The following WASF1 variants were observed in gnomAD, a reference collection of about 807,000 sequenced individuals.
The protein encoded by WASF1 is actin-binding protein WASF1.
In WASF1, 7 loss-of-function variants were observed where a neutral mutation model predicts 50.5. The ratio of observed to expected loss-of-function variants is 0.14; its 90% CI spans 0.08 to 0.26. WASF1 has a LOEUF of 0.26. WASF1 is among the 10% of genes least tolerant of loss of function. The pLI, the probability that WASF1 is intolerant of heterozygous loss-of-function variation, is 1.00. For synonymous variants in WASF1, 205 were observed against 244.0 expected (o/e 0.84, Z 1.49); for missense variants, 470 against 694.7 (o/e 0.68, Z 3.64).
At chr6:110,111,675 T>C (rs1038288643) in intron 5 of WASF1, among the ~76,000 whole-genome samples, 7 of 152,142 alleles carry the variant, frequency 4.6e-5, no homozygotes, top group Non-Finnish European at 8.8e-5. Context: ...TACTGTACTA[T>C]TCATTCATAT....
chr6:110,147,705 G>C (rs552509239), intron 3 of WASF1, among the ~76,000 whole-genome samples: 5 of 152,038 alleles, frequency 3.3e-5, no homozygotes, highest in Non-Finnish European at 7.4e-5. Context: ...AAACTTACTT[G>C]ACAAATCATT....
At chr6:110,169,726 T>TA (rs971698068) in intron 2 of WASF1, among the ~76,000 whole-genome samples, 11 of 152,264 alleles carry the variant, frequency 7.2e-5, no homozygotes, top group African/African-American at 2.4e-4. Context: ...GTGACTATTG[T>TA]AAAAAAATTC....
intron 3 of WASF1, among the ~76,000 whole-genome samples, chr6:110,158,533 G>T (rs761856547): frequency 1.8e-4 from 23 of 130,838 alleles, no homozygotes; most frequent in Non-Finnish European, 3.3e-4. Flanking sequence ...ATTTTTTGAA[G>T]AGGATCCTAT....
At chr6:110,118,387 T>C (rs1305958731) in intron 4 of WASF1, among the ~76,000 whole-genome samples, 1 of 130,738 alleles carries the variant, frequency 7.6e-6, no homozygotes, top group Non-Finnish European at 1.6e-5. Context: ...AAGCAGGGTT[T>C]GCAATCCTAG....
At chr6:110,158,964 C>G (rs1349144599) in intron 3 of WASF1, among the ~76,000 whole-genome samples, 1 of 151,760 alleles carries the variant, frequency 6.6e-6, no homozygotes, top group East Asian at 1.9e-4. Flanking sequence ...TATTATTAAC[C>G]AAATAGCCAT....
intron 2 of WASF1, among the ~76,000 whole-genome samples, chr6:110,162,580 T>C (rs1316669556): frequency 1.3e-5 from 2 of 151,422 alleles, no homozygotes; most frequent in Non-Finnish European, 3.0e-5. Flanking sequence ...GTGAGATTCA[T>C]CCTAGATATG....
At chr6:110,101,323 A>C (rs773299887) in intron 10 of WASF1, among the ~76,000 whole-genome samples, 2 of 152,242 alleles carry the variant, frequency 1.3e-5, no homozygotes, top group Non-Finnish European at 2.9e-5. Flanking sequence ...TATAACATTT[A>C]AGTCTGATAT....
At chr6:110,144,387 C>G (rs902498426) in intron 3 of WASF1, among the ~76,000 whole-genome samples, 1 of 152,064 alleles carries the variant, frequency 6.6e-6, no homozygotes, top group African/African-American at 2.4e-5. Flanking sequence ...GAGTAGGTTG[C>G]AAAAATTTTC....
chr6:110,140,606 CCAGT>C (rs879389081), intron 3 of WASF1, among the ~76,000 whole-genome samples: 2 of 152,152 alleles, frequency 1.3e-5, no homozygotes, highest in Non-Finnish European at 2.9e-5. Context: ...GAACACCCAG[CCAGT>C]GTCTGCTGAA....
chr6:110,170,271 G>C, intron 2 of WASF1, among the ~76,000 whole-genome samples: 1 of 152,094 alleles, frequency 6.6e-6, no homozygotes, highest in South Asian at 2.1e-4. Flanking sequence ...CACTCAGACC[G>C]GAGTATAGTG....
At chr6:110,144,870 T>C (rs989714161) in intron 3 of WASF1, among the ~76,000 whole-genome samples, 1 of 152,174 alleles carries the variant, frequency 6.6e-6, no homozygotes, top group African/African-American at 2.4e-5. Context: ...AGCCTTGTAG[T>C]GTAGTTTGAA....
chr6:110,102,255 GA>G, intron 9 of WASF1, 39 bp from the exon 10 acceptor site: 1 of 1,354,970 alleles, frequency 7.4e-7, no homozygotes, highest in Non-Finnish European at 9.5e-7. Flanking sequence ...TATTAAAAGA[GA>G]AAAGCCTAAA....
chr6:110,124,274 C>CTCTCTCTCTCTCTCTA (rs1331534646), intron 4 of WASF1, among the ~76,000 whole-genome samples: 2 of 20,504 alleles, frequency 9.8e-5, no homozygotes, highest in Non-Finnish European at 1.5e-4. Context: ...CTCTCTCTCT[C>CTCTCTCTCTCTCTCTA]TATATATATA....
intron 3 of WASF1, among the ~76,000 whole-genome samples, chr6:110,131,348 T>C (rs890927297): frequency 2.0e-5 from 3 of 152,218 alleles, no homozygotes; most frequent in Non-Finnish European, 4.4e-5. Flanking sequence ...GTTAGGTTTC[T>C]TATATATTAT....
chr6:110,162,288 A>G (rs1776290065), intron 2 of WASF1, among the ~76,000 whole-genome samples: 1 of 151,312 alleles, frequency 6.6e-6, no homozygotes, highest in Non-Finnish European at 1.5e-5. Flanking sequence ...TAACTTTTTC[A>G]TTATTCAGCA....
intron 3 of WASF1, among the ~76,000 whole-genome samples, chr6:110,144,537 C>T (rs1046623439): frequency 5.3e-5 from 8 of 152,244 alleles, no homozygotes; most frequent in East Asian, 1.9e-4. Flanking sequence ...AAGTCCTTGC[C>T]CATGCCTATG....
chr6:110,143,428 ATATATG>A (rs1405302302), intron 3 of WASF1, among the ~76,000 whole-genome samples: 3 of 151,936 alleles, frequency 2.0e-5, no homozygotes, highest in African/African-American at 4.8e-5. Flanking sequence ...AATGAGGCAT[ATATATG>A]TATGAGTATA....
chr6:110,135,696 G>A (rs1774915598), intron 3 of WASF1, among the ~76,000 whole-genome samples: 1 of 145,912 alleles, frequency 6.9e-6, no homozygotes. Context: ...TTTCTAATCA[G>A]CTGACCTCAA....
chr6:110,160,725 C>T lies in WASF1; in HGVS notation c.-119G>A, dbSNP rs1369993274. ...AACAGTTGTTTTAACATGCTGATTT[C>T]TCCAACACTGTTTAAAATTGAGAAC... On this transcript the variant is annotated 5_prime_UTR_variant, in exon 3 of 11. Coordinates refer to ENST00000392589, the MANE Select transcript of WASF1 (RefSeq NM_003931.3). 1 of 151,704 alleles carries T rather than the reference C, an allele frequency of 6.6e-6. No individual in the cohort carries two copies. The highest frequency in any genetic ancestry group is 6.6e-5 in the Admixed American group (1 of 15,178). 9.4% of individuals were successfully genotyped at this position (151,704 alleles called of 1,614,324 possible).
Sources: allele counts gnomAD v4.1 joint callset (sites outside exome capture counted in the v4.1 genomes callset), GRCh38; gene constraint gnomAD v4.1.1; transcripts MANE v1.5; gene names NCBI Gene and HGNC (gene_info 2026-07-23, HGNC 2026-07-21).